The following TBC1D16 variants were observed in gnomAD, a reference collection of about 807,000 sequenced individuals.
The protein encoded by TBC1D16 is CTD-2529O21.1.
A neutral mutation model predicts 74.7 loss-of-function variants in TBC1D16; 58 were observed. The ratio of observed to expected loss-of-function variants is 0.78; its 90% CI spans 0.63 to 0.97. TBC1D16 has a LOEUF of 0.97. Among genes scored for constraint, TBC1D16 ranks in the 50% least tolerant of loss-of-function variants. The pLI, the probability that TBC1D16 is intolerant of heterozygous loss-of-function variation, is 0.00. For synonymous variants in TBC1D16, 493 were observed against 474.7 expected, an observed-to-expected ratio of 1.04 and a Z score of -0.50; for missense variants, 1,014 against 1,079.5, an observed-to-expected ratio of 0.94 and a Z score of 0.85.
intron 3 of TBC1D16, among the ~76,000 whole-genome samples, chr17:79,968,155 G>C (rs1019186917): frequency 1.3e-5 from 2 of 152,164 alleles, no homozygotes; most frequent in Non-Finnish European, 2.9e-5. Context: ...ACCATACCCA[G>C]TTAATTTTTG....
chr17:80,028,047 T>G (rs2036645349), intron 1 of TBC1D16, among the ~76,000 whole-genome samples: 2 of 152,088 alleles, frequency 1.3e-5, no homozygotes, highest in East Asian at 1.9e-4. Flanking sequence ...CCCGAGTGCA[T>G]GACACCTCCG....
intron 3 of TBC1D16, among the ~76,000 whole-genome samples, chr17:79,969,029 C>T (rs1446824537): frequency 2.0e-5 from 3 of 152,014 alleles, no homozygotes; most frequent in South Asian, 2.1e-4. Flanking sequence ...AGACATATCT[C>T]CAATGAAGAT....
At position 79,961,441 on chromosome 17, in the gene TBC1D16, T is replaced by C. The variant is rs1429712561; in HGVS notation, c.780-8623A>G. On this transcript the variant is annotated intron_variant, in intron 3 of 11. Coordinates refer to ENST00000310924, the MANE Select transcript of TBC1D16 (RefSeq NM_019020.4). This position sits in a 1 kb window ranked among gnomAD's most constrained non-coding sequence, Gnocchi z 4.8. ...CCACTTTAGGAAAGCAGTTCAGTAATTTCTTAAAAATTAAACACATGCCTG... is the reference window on the plus strand; with the variant it reads ...CCACTTTAGGAAAGCAGTTCAGTAACTTCTTAAAAATTAAACACATGCCTG... 6.6e-6 allele frequency among the ~76,000 whole-genome samples: 1 copy of C among 152,244 alleles called. No homozygotes were observed. Among genetic ancestry groups the C allele is most frequent in the Non-Finnish European group, 1.5e-5 (1 of 68,034 alleles).
At chr17:79,943,176 G>A (rs953678239) in intron 10 of TBC1D16, among the ~76,000 whole-genome samples, 3 of 152,244 alleles carry the variant, frequency 2.0e-5, no homozygotes, top group Admixed American at 1.3e-4. Flanking sequence ...TGCTCCTGGA[G>A]AGACCATGCA....
At chr17:80,023,657 G>GCA (rs1491332219) in intron 1 of TBC1D16, among the ~76,000 whole-genome samples, 1 of 144,250 alleles carries the variant, frequency 6.9e-6, no homozygotes, top group Non-Finnish European at 1.5e-5. Flanking sequence ...CTGCTGCCGG[G>GCA]CCCCCCCCCA....
At chr17:79,977,159 G>A (rs1303345890) in intron 3 of TBC1D16, among the ~76,000 whole-genome samples, 1 of 152,164 alleles carries the variant, frequency 6.6e-6, no homozygotes, top group Non-Finnish European at 1.5e-5. Context: ...TCCCCAACGA[G>A]GCGAACCCCA....
intron 1 of TBC1D16, among the ~76,000 whole-genome samples, chr17:80,015,926 G>A (rs765545451): frequency 2.0e-5 from 3 of 149,942 alleles, no homozygotes; most frequent in African/African-American, 4.9e-5. Flanking sequence ...CAGGAGAATC[G>A]CTTAAATCCA....
intron 3 of TBC1D16, among the ~76,000 whole-genome samples, chr17:79,977,296 A>T (rs936131876): frequency 2.0e-5 from 3 of 152,150 alleles, no homozygotes; most frequent in Non-Finnish European, 4.4e-5. Flanking sequence ...CGTGCAGGTC[A>T]CACAGATTAC....
At chr17:80,023,657 G>C (rs11652737) in intron 1 of TBC1D16, among the ~76,000 whole-genome samples, 102,825 of 144,296 alleles carry the variant, frequency 0.71, 37,647 homozygotes, top group Admixed American at 0.76. Flanking sequence ...CTGCTGCCGG[G>C]CCCCCCCCCA....
intron 3 of TBC1D16, among the ~76,000 whole-genome samples, chr17:79,958,369 G>A (rs1282566740): frequency 1.3e-5 from 2 of 152,068 alleles, no homozygotes; most frequent in East Asian, 1.9e-4. Context: ...ACAGGCGCCT[G>A]CCACCATGCC....
In TBC1D16 at chr17:80,010,197, C is replaced by A; in HGVS notation, c.742G>T (p.Glu248Ter). 1 of 1,612,236 alleles carries A rather than the reference C, an allele frequency of 6.2e-7. No homozygotes were observed. The highest frequency in any genetic ancestry group is 8.5e-7 in the Non-Finnish European group (1 of 1,179,456). Residue 248 changes from glutamate (E) to a stop codon, truncating the protein, a stop_gained, in exon 3 of 12, where the codon GAG becomes TAG. Coordinates refer to ENST00000310924, the MANE Select transcript of TBC1D16 (RefSeq NM_019020.4). LOFTEE classifies it high-confidence loss of function. This position sits in a 1 kb window ranked among gnomAD's most constrained non-coding sequence, Gnocchi z 8.8. ...CLSPISAALA[E>*]SRGSVFLESD... ...TCCAGAAACACGGAGCCGCGGCTCTCGGCCAGCGCCGCGCTGATGGGCGAG... is the reference window on the plus strand; with the variant it reads ...TCCAGAAACACGGAGCCGCGGCTCTAGGCCAGCGCCGCGCTGATGGGCGAG...
In TBC1D16 at chr17:79,933,251, G is replaced by C. The variant is rs1025586043; in HGVS notation, c.*7608C>G. 6.6e-6 allele frequency: 1 copy of C among 152,242 alleles called. No homozygotes were observed. The highest frequency in any genetic ancestry group is 1.5e-5 in the Non-Finnish European group (1 of 68,148). 9.4% of individuals were successfully genotyped at this position (152,242 alleles called of 1,614,324 possible). A position where few individuals can be genotyped will look rare whatever the true frequency, so the allele number is the denominator to read the frequency against. ...GAGGGAGGGTGATTGAACTGGAGGAGGGGGCTGGCTTGAGACCTTCCTGTT... is the reference window on the plus strand; with the variant it reads ...GAGGGAGGGTGATTGAACTGGAGGACGGGGCTGGCTTGAGACCTTCCTGTT... On this transcript the variant is annotated 3_prime_UTR_variant, in exon 12 of 12. Coordinates refer to ENST00000310924, the MANE Select transcript of TBC1D16 (RefSeq NM_019020.4).
At chr17:79,967,666 A>G (rs1305363498) in intron 3 of TBC1D16, among the ~76,000 whole-genome samples, 3 of 152,194 alleles carry the variant, frequency 2.0e-5, no homozygotes, top group Non-Finnish European at 4.4e-5. Context: ...TGATGGCAAT[A>G]CTCTCCAAAT....
At chr17:80,005,562 G>C (rs557423271) in intron 3 of TBC1D16, among the ~76,000 whole-genome samples, 1 of 152,236 alleles carries the variant, frequency 6.6e-6, no homozygotes, top group Non-Finnish European at 1.5e-5. Context: ...CCCGGCTCGG[G>C]GAAGCTCAGG....
chr17:80,028,348 T>C (rs2036657332), intron 1 of TBC1D16, among the ~76,000 whole-genome samples: 2 of 151,972 alleles, frequency 1.3e-5, no homozygotes, highest in Admixed American at 6.6e-5. Context: ...CTGGCCAACA[T>C]GGTAACACCC....
chr17:79,987,027 C>T lies in TBC1D16; in HGVS notation c.779+23133G>A, dbSNP rs2034867933. 6.6e-6 allele frequency among the ~76,000 whole-genome samples: 1 copy of T among 152,208 alleles called. No homozygotes were observed. Among genetic ancestry groups the T allele is most frequent in the South Asian group, 2.1e-4 (1 of 4,830 alleles). ...GACCCTGAATTTTGAGGTGGGGCCA[C>T]AGAACCTCCCTTGAGAGCCAGAAGA... On this transcript the variant is annotated intron_variant, in intron 3 of 11. Coordinates refer to ENST00000310924, the MANE Select transcript of TBC1D16 (RefSeq NM_019020.4). This position sits in a 1 kb window ranked among gnomAD's most constrained non-coding sequence, Gnocchi z 5.2.
Position 79,971,445 on chromosome 17 carries a change from T to C in TBC1D16, c.780-18627A>G, listed in dbSNP as rs571676357. Among the ~76,000 whole-genome samples the C allele has an allele frequency of 6.6e-6, 1 of 152,202 alleles. No homozygotes were observed. Among genetic ancestry groups the C allele is most frequent in the Non-Finnish European group, 1.5e-5 (1 of 67,978 alleles). ...CGGCATTGGAAGCCTGTCCCCCAGG[T>C]CATCCTGGTCTGGAAGCCCTGTCCC... On this transcript the variant is annotated intron_variant, in intron 3 of 11. Coordinates refer to ENST00000310924, the MANE Select transcript of TBC1D16 (RefSeq NM_019020.4). The surrounding 1 kb of genome is among the most constrained non-coding windows in gnomAD (Gnocchi z 4.6).
chr17:79,971,531 C>T lies in TBC1D16; in HGVS notation c.780-18713G>A, dbSNP rs1043689570. ...TTCCAAAGTTCGTTCTGCAGGTTTA[C>T]ACACACTTGAAGGTATCTTCCCATG... On this transcript the variant is annotated intron_variant, in intron 3 of 11. Transcript: ENST00000310924. This position sits in a 1 kb window ranked among gnomAD's most constrained non-coding sequence, Gnocchi z 4.6. 2.0e-5 allele frequency among the ~76,000 whole-genome samples: 3 copies of T among 152,190 alleles called. No individual in the cohort carries two copies. The highest frequency in any genetic ancestry group is 4.4e-5 in the Non-Finnish European group (3 of 68,032).
Position 80,013,464 on chromosome 17 carries a change from C to T in TBC1D16, c.84G>A (p.Gly28=). 3.1e-6 allele frequency: 5 copies of T among 1,597,720 alleles called. No homozygotes were observed. The highest frequency in any genetic ancestry group is 4.3e-6 in the Non-Finnish European group (5 of 1,172,932). Residue 28 remains glycine (G), a synonymous_variant, in exon 2 of 12, where the codon GGG becomes GGA. Transcript: ENST00000310924. ...TCTCTCCATCCAGGACAGAGGGGGA[C>T]CCGCTGCCGCTGCCACCGGGGGTGA... ...LTLTPGGSGS[G]SPSVLDGEII...
Sources: gnomAD v4.1 joint callset for allele counts (sites outside exome capture counted in the v4.1 genomes callset) on GRCh38, gnomAD v4.1.1 for gene constraint, Gnocchi (gnomAD v3.1) non-coding constraint, MANE v1.5 for transcripts, NCBI Gene and HGNC (gene_info 2026-07-23, HGNC 2026-07-21) for gene names.